CA9: variants seen among roughly 807,000 people sequenced by gnomAD.
CA9 encodes carbonic anhydrase 9.
A neutral mutation model predicts 51.8 loss-of-function variants in CA9; 43 were observed. The ratio of observed to expected loss-of-function variants is 0.83; its 90% CI spans 0.65 to 1.07. The LOEUF (loss-of-function observed/expected upper bound fraction) is 1.07. Ranked by LOEUF, CA9 falls within the 50% of genes least tolerant of loss-of-function variation. CA9 has a pLI of 0.00. For synonymous variants in CA9, 253 were observed against 244.2 expected (o/e 1.04, Z -0.34); for missense variants, 574 against 581.4 (o/e 0.99, Z 0.13).
Position 35,680,978 on chromosome 9 carries a change from G to C in CA9, c.1333G>C (p.Gly445Arg), listed in dbSNP as rs374397867. ...GTGTACACACAGAAGGGGAACCAAA[G>C]GGGGTGTGAGCTACCGCCCAGCAGA... ...MRRQHRRGTK[G>R]GVSYRPAEVA... is the part of the protein sequence containing the mutation. Residue 445 changes from glycine to arginine, a missense_variant, in exon 11 of 11, where the codon GGG becomes CGG. By Grantham distance (125) the Gly-to-Arg change is moderately radical. Coordinates refer to ENST00000378357, the MANE Select transcript of CA9 (RefSeq NM_001216.3). 1.9e-6 allele frequency: 3 copies of C among 1,613,958 alleles called. No homozygotes were observed. The highest frequency in any genetic ancestry group is 2.5e-6 in the Non-Finnish European group (3 of 1,180,010).
At chr9:35,675,160 AT>A in intron 1 of CA9, 1 of 214,026 alleles carries the variant, frequency 4.7e-6, no homozygotes, top group South Asian at 8.0e-5. Context: ...CGCCCGGCTA[AT>A]TTTTGTATTT....
Position 35,675,568 on chromosome 9 carries a change from G to C in CA9, c.433+1G>C, listed in dbSNP as rs1458062432. On this transcript the variant is annotated splice_donor_variant, in intron 2 of 10. Coordinates refer to ENST00000378357, the MANE Select transcript of CA9 (RefSeq NM_001216.3). LOFTEE classifies it high-confidence loss of function. ...GACCAGAGTCATTGGCGCTATGGAG[G>C]TGAGACACCCACCCGCTGCACAGAC... 4 of 1,613,966 alleles carry C rather than the reference G, an allele frequency of 2.5e-6. No homozygotes were observed. Among genetic ancestry groups the C allele is most frequent in the Non-Finnish European group, 3.4e-6 (4 of 1,179,996 alleles).
In CA9 at chr9:35,680,838, T is replaced by C. The variant is rs1824534484; in HGVS notation, c.1319+4T>C. 1.2e-6 allele frequency: 2 copies of C among 1,614,060 alleles called. No individual in the cohort carries two copies. Among genetic ancestry groups the C allele is most frequent in the Non-Finnish European group, 1.7e-6 (2 of 1,179,880 alleles). ...TGCAGATGAGAAGGCAGCACAGGTA[T>C]TACACTGACCCTTTCTTCAGGCACA... is the stretch of plus-strand genomic sequence containing the variant. On this transcript the variant is annotated splice_donor_region_variant and intron_variant, in intron 10 of 10. Coordinates refer to ENST00000378357, the MANE Select transcript of CA9 (RefSeq NM_001216.3).
chr9:35,677,712 G>A (rs1309084516), intron 5 of CA9, 78 bp from the exon 6 acceptor site: 5 of 1,098,734 alleles, frequency 4.6e-6, no homozygotes, highest in Non-Finnish European at 7.0e-6. Context: ...AGGTCTATGG[G>A]AACCCCCCTT....
Position 35,675,750 on chromosome 9 carries a change from T to C in CA9, c.434-11T>C, listed in dbSNP as rs779568213. On this transcript the variant is annotated splice_polypyrimidine_tract_variant and intron_variant, in intron 2 of 10. Transcript: ENST00000378357. ...GGCGTCAGACTTCCTCACTATACTC[T>C]CCCACCCCAGGCGACCCGCCCTGGC... The C allele has an allele frequency of 1.3e-6, 2 of 1,548,390 alleles. No homozygotes were observed. The highest frequency in any genetic ancestry group is 1.1e-5 in the South Asian group (1 of 89,472).
At position 35,675,533 on chromosome 9, in the gene CA9, T is replaced by C. The variant is rs1257708858; in HGVS notation, c.404-5T>C. On this transcript the variant is annotated splice_region_variant and splice_polypyrimidine_tract_variant and intron_variant, in intron 1 of 10. Coordinates refer to ENST00000378357, the MANE Select transcript of CA9 (RefSeq NM_001216.3). ...TTGAGCGGTTCATCCTTTTCATTTATACAGGGGATGACCAGAGTCATTGGC... is the reference window on the plus strand; with the variant it reads ...TTGAGCGGTTCATCCTTTTCATTTACACAGGGGATGACCAGAGTCATTGGC... 8 of 1,614,076 alleles carry C rather than the reference T, an allele frequency of 5.0e-6. No individual in the cohort carries two copies. Among genetic ancestry groups the C allele is most frequent in the South Asian group, 1.1e-5 (1 of 91,096 alleles).
rs757499361 is a variant in CA9, at chr9:35,674,135, C to T, written c.176C>T (p.Pro59Leu). The change falls in exon 1 of 11, where the codon CCA becomes CTA. Residue 59 changes from proline to leucine, a missense_variant. Coordinates refer to ENST00000378357, the MANE Select transcript of CA9 (RefSeq NM_001216.3). ...LGGGSSGEDD[P>L]LGEEDLPSEE... Reference sequence around the variant, plus strand: ...GGAGGCTCTTCTGGGGAAGATGACCCACTGGGCGAGGAGGATCTGCCCAGT... The same window carrying T: ...GGAGGCTCTTCTGGGGAAGATGACCTACTGGGCGAGGAGGATCTGCCCAGT... 6.2e-7 allele frequency: 1 copy of T among 1,614,134 alleles called. No individual in the cohort carries two copies. Among genetic ancestry groups the T allele is most frequent in the South Asian group, 1.1e-5 (1 of 91,076 alleles).
chr9:35,676,382 T>G lies in CA9; in HGVS notation c.833T>G (p.Phe278Cys). The change falls in exon 5 of 11, where the codon TTT becomes TGT. Residue 278 changes from phenylalanine (F) to cysteine (C), a missense_variant. Phe to Cys is a radical substitution (Grantham distance 205). Transcript: ENST00000378357. Reference sequence around the variant, plus strand: ...GGAGGCCTGGCCGTGTTGGCCGCCTTTCTGGAGGTACCAGATCCTGGACAC... The same window carrying G: ...GGAGGCCTGGCCGTGTTGGCCGCCTGTCTGGAGGTACCAGATCCTGGACAC... ...RPGGLAVLAA[F>C]LEEGPEENSA... The G allele has an allele frequency of 6.2e-7, 1 of 1,612,996 alleles. No individual in the cohort carries two copies. Among genetic ancestry groups the G allele is most frequent in the Non-Finnish European group, 8.5e-7 (1 of 1,179,342 alleles).
chr9:35,677,737 C>A, intron 5 of CA9, 53 bp from the exon 6 acceptor site: 1 of 1,454,162 alleles, frequency 6.9e-7, no homozygotes, highest in Non-Finnish European at 9.7e-7. Context: ...TTCCGGCCTT[C>A]AGCCATGGCC....
At chr9:35,675,105 C>A (rs997027755) in intron 1 of CA9, 3 of 169,708 alleles carry the variant, frequency 1.8e-5, no homozygotes, top group Non-Finnish European at 3.8e-5. Flanking sequence ...ATTCTCCTGC[C>A]TCAGCCTCTA....
At position 35,679,973 on chromosome 9, in the gene CA9, C is replaced by T; in HGVS notation, c.1185C>T (p.Asp395=). Residue 395 remains aspartate, a synonymous_variant, in exon 8 of 11, where the codon GAC becomes GAT. Coordinates refer to ENST00000378357, the MANE Select transcript of CA9 (RefSeq NM_001216.3). The part of the protein sequence containing the change: ...VIEASFPAGV[D]SSPRAAEPVQ... Reference sequence around the variant, plus strand: ...AGGCCTCCTTCCCTGCTGGAGTGGACAGCAGTCCTCGGGCTGCTGAGCCAG... The same window carrying T: ...AGGCCTCCTTCCCTGCTGGAGTGGATAGCAGTCCTCGGGCTGCTGAGCCAG... 3.1e-6 allele frequency: 5 copies of T among 1,614,220 alleles called. No homozygotes were observed. Among genetic ancestry groups the T allele is most frequent in the African/African-American group, 1.3e-5 (1 of 75,050 alleles).
Position 35,674,353 on chromosome 9 carries a change from G to A in CA9, c.394G>A (p.Asp132Asn), listed in dbSNP as rs1824377272. 1.2e-6 allele frequency: 2 copies of A among 1,609,934 alleles called. No homozygotes were observed. Among genetic ancestry groups the A allele is most frequent in the East Asian group, 2.2e-5 (1 of 44,892 alleles). Residue 132 changes from aspartate to asparagine, a missense_variant, in exon 1 of 11, where the codon GAC (aspartate) becomes AAC (asparagine). Coordinates refer to ENST00000378357, the MANE Select transcript of CA9 (RefSeq NM_001216.3). ...PQEPQNNAHR[D>N]KEGDDQSHWR... is the part of the protein sequence containing the mutation. ...AGAACCCCAGAATAATGCCCACAGG[G>A]ACAAAGAAGGTAAGTGGTCATCAAT...
intron 9 of CA9, 61 bp downstream of exon 9, chr9:35,680,200 AG>A: frequency 6.3e-7 from 1 of 1,592,820 alleles, no homozygotes; most frequent in African/African-American, 1.3e-5. Flanking sequence ...ATTCAGCCCC[AG>A]GGCTGCTCAG....
At chr9:35,678,734 G>A (rs1439034188) in intron 6 of CA9, among the ~76,000 whole-genome samples, 1 of 143,560 alleles carries the variant, frequency 7.0e-6, no homozygotes, top group African/African-American at 2.6e-5. Flanking sequence ...AGTAGAGACA[G>A]GGTTTCACCA....
At position 35,679,884 on chromosome 9, in the gene CA9, C is replaced by T; in HGVS notation, c.1096C>T (p.Pro366Ser). ...LHTLSDTLWG[P>S]GDSRLQLNFR... The stretch of plus-strand genomic sequence containing the variant: ...CACCCTCTCTGACACCCTGTGGGGA[C>T]CTGGTGACTCTCGGCTACAGCTGAA... Residue 366 changes from proline to serine, a missense_variant, in exon 8 of 11, where the codon CCT becomes TCT. By Grantham distance (74) the Pro-to-Ser change is moderately conservative. Transcript: ENST00000378357. 1 of 1,612,624 alleles carries T rather than the reference C, an allele frequency of 6.2e-7. No homozygotes were observed. Among genetic ancestry groups the T allele is most frequent in the East Asian group, 2.2e-5 (1 of 44,874 alleles).
At chr9:35,680,275 A>G (rs1824513869) in intron 9 of CA9, 136 bp downstream of exon 9, 1 of 971,270 alleles carries the variant, frequency 1.0e-6, no homozygotes, top group African/African-American at 1.6e-5. Flanking sequence ...AGAGAGGCAG[A>G]TCATGGTGGG....
At chr9:35,675,493 A>T in intron 1 of CA9, 45 bp from the exon 2 acceptor site, 1 of 1,611,266 alleles carries the variant, frequency 6.2e-7, no homozygotes, top group Non-Finnish European at 8.5e-7. Context: ...CCAGGAAGGG[A>T]TTGGGGCTCT....
Position 35,679,862 on chromosome 9 carries a change from C to CCT in CA9, c.1079_1080dup (p.Asp361LeufsTer14). ...TCCACTGACCTCCCTAGCTCCACAC[C>CCT]CTCTCTGACACCCTGTGGGGACCTG... On this transcript the variant is annotated frameshift_variant, in exon 8 of 11. Transcript: ENST00000378357. LOFTEE classifies it high-confidence loss of function. 1 of 1,606,706 alleles carries CCT rather than the reference C, an allele frequency of 6.2e-7. No homozygotes were observed. Among genetic ancestry groups the CCT allele is most frequent in the Admixed American group, 1.7e-5 (1 of 58,038 alleles).
chr9:35,676,921 TG>T (rs1824434575), intron 5 of CA9, among the ~76,000 whole-genome samples: 1 of 152,134 alleles, frequency 6.6e-6, no homozygotes, highest in Non-Finnish European at 1.5e-5. Flanking sequence ...GGTGTGATCT[TG>T]GGTCACTGCA....
Sources: allele counts gnomAD v4.1 joint callset (sites outside exome capture counted in the v4.1 genomes callset), GRCh38; gene constraint gnomAD v4.1.1; transcripts MANE v1.5; gene names NCBI Gene and HGNC (gene_info 2026-07-23, HGNC 2026-07-21).